CYSLTR2: variants seen among roughly 807,000 people sequenced by gnomAD.
CYSLTR2 encodes cysteinyl leukotriene receptor 2.
For synonymous variants in CYSLTR2, 179 were observed against 160.8 expected (o/e 1.11, Z -0.86); for missense variants, 398 against 411.9 (o/e 0.97, Z 0.29).
intron 2 of CYSLTR2, among the ~76,000 whole-genome samples, chr13:48,692,713 T>G (rs997066402): frequency 1.3e-5 from 2 of 151,270 alleles, no homozygotes; most frequent in Admixed American, 1.3e-4. Context: ...TAATCAACCT[T>G]CCTTTTCTTT....
At chr13:48,687,430 A>G (rs1953922707) in intron 1 of CYSLTR2, among the ~76,000 whole-genome samples, 1 of 152,088 alleles carries the variant, frequency 6.6e-6, no homozygotes, top group African/African-American at 2.4e-5. Context: ...TCATCTATGT[A>G]TTATCTATCG....
chr13:48,708,490 C>G lies in CYSLTR2; in HGVS notation c.*632C>G, dbSNP rs190135801. On this transcript the variant is annotated 3_prime_UTR_variant, in exon 5 of 5. Coordinates refer to ENST00000682523, the MANE Select transcript of CYSLTR2 (RefSeq NM_001308476.3). ...GAGGTTCTAACACACTGAAGGCAAC[C>G]CTATTTCTACTGTTTCTCTCTTGCC... is the stretch of plus-strand genomic sequence containing the variant. 2 of 167,154 alleles carry G rather than the reference C, an allele frequency of 1.2e-5. No homozygotes were observed. The highest frequency in any genetic ancestry group is 6.5e-5 in the Admixed American group (1 of 15,304). 10.4% of individuals were successfully genotyped at this position (167,154 alleles called of 1,614,324 possible). A position where few individuals can be genotyped will look rare whatever the true frequency, so the allele number is the denominator to read the frequency against.
chr13:48,690,079 T>A (rs1373655455), intron 1 of CYSLTR2, among the ~76,000 whole-genome samples: 3 of 152,186 alleles, frequency 2.0e-5, no homozygotes, highest in Non-Finnish European at 4.4e-5. Flanking sequence ...TGTATAGGAA[T>A]GCTTGTAATT....
chr13:48,665,747 G>C (rs995689507), intron 1 of CYSLTR2, among the ~76,000 whole-genome samples: 7 of 151,934 alleles, frequency 4.6e-5, no homozygotes, highest in Non-Finnish European at 1.0e-4. Context: ...TAGGTCTTGT[G>C]TTTTTAAAAT....
At chr13:48,678,957 G>A (rs1953674669) in intron 1 of CYSLTR2, among the ~76,000 whole-genome samples, 1 of 151,998 alleles carries the variant, frequency 6.6e-6, no homozygotes, top group South Asian at 2.1e-4. Flanking sequence ...CTCATCTGCT[G>A]CCAGTGTCAC....
chr13:48,690,997 G>C lies in CYSLTR2; in HGVS notation c.-265-215G>C, dbSNP rs1954024254. Among the ~76,000 whole-genome samples, 3 of 152,010 alleles carry C rather than the reference G, an allele frequency of 2.0e-5. No homozygotes were observed. In the South Asian group the frequency reaches 6.2e-4, roughly 32 times the overall value. ...ATTCAGGACTAATCCCAAATCAAAT[G>C]CCTATATCAGTGTATAAGTATTCTT... On this transcript the variant is annotated intron_variant, in intron 1 of 4. Transcript: ENST00000682523.
intron 4 of CYSLTR2, among the ~76,000 whole-genome samples, chr13:48,697,858 C>T (rs768312201): frequency 6.6e-6 from 1 of 152,154 alleles, no homozygotes; most frequent in Non-Finnish European, 1.5e-5. Context: ...AGCACAAGAA[C>T]TATGTGACGC....
intron 1 of CYSLTR2, among the ~76,000 whole-genome samples, chr13:48,673,711 A>C (rs1318295589): frequency 6.6e-6 from 1 of 152,018 alleles, no homozygotes; most frequent in African/African-American, 2.4e-5. Flanking sequence ...CAGTTTCTTT[A>C]TAGTGTCGAC....
chr13:48,664,542 T>C (rs1953212187), intron 1 of CYSLTR2, among the ~76,000 whole-genome samples: 1 of 152,074 alleles, frequency 6.6e-6, no homozygotes, highest in Non-Finnish European at 1.5e-5. Flanking sequence ...TCTTCATGGT[T>C]CAATCTTGGT....
intron 1 of CYSLTR2, among the ~76,000 whole-genome samples, chr13:48,688,417 T>C (rs556707605): frequency 6.6e-6 from 1 of 152,176 alleles, no homozygotes; most frequent in Non-Finnish European, 1.5e-5. Flanking sequence ...AGCCACCCAC[T>C]GGCCAATAGG....
In CYSLTR2 at chr13:48,707,160, T is replaced by C; in HGVS notation, c.343T>C (p.Ser115Pro). 6.2e-7 allele frequency: 1 copy of C among 1,614,168 alleles called. No individual in the cohort carries two copies. Among genetic ancestry groups the C allele is most frequent in the South Asian group, 1.1e-5 (1 of 91,084 alleles). The change falls in exon 5 of 5, where the codon TCT becomes CCT. Residue 115 changes from serine (S) to proline (P), a missense_variant. By Grantham distance (74) the Ser-to-Pro change is moderately conservative. Transcript: ENST00000682523. The stretch of plus-strand genomic sequence containing the variant: ...TGGAGACCTGGCCTGCAGGATTATG[T>C]CTTATTCCTTGTATGTCAACATGTA... Reference protein sequence around the residue: ...IFGDLACRIMSYSLYVNMYSS... With the variant: ...IFGDLACRIMPYSLYVNMYSS...
In CYSLTR2 at chr13:48,676,962, A is replaced by G. The variant is rs117761377; in HGVS notation, c.-265-14250A>G. ...GAGGCAGAGGCAAAGAAACAGTGCA[A>G]AGTTTCCATGGTGGGTAAAGCCTTT... On this transcript the variant is annotated intron_variant, in intron 1 of 4. Coordinates refer to ENST00000682523, the MANE Select transcript of CYSLTR2 (RefSeq NM_001308476.3). 4.9e-3 allele frequency among the ~76,000 whole-genome samples: 742 copies of G among 152,310 alleles called. 3 individuals carry two copies. The highest frequency in any genetic ancestry group is 0.014 in the Middle Eastern group (4 of 294).
At chr13:48,660,978 T>C (rs888401156) in intron 1 of CYSLTR2, among the ~76,000 whole-genome samples, 3 of 152,360 alleles carry the variant, frequency 2.0e-5, no homozygotes, top group South Asian at 2.1e-4. Context: ...ACACTTAATA[T>C]GGCACTTTCT....
At position 48,707,955 on chromosome 13, in the gene CYSLTR2, T is replaced by G; in HGVS notation, c.*97T>G. 9.9e-7 allele frequency: 1 copy of G among 1,010,432 alleles called. No individual in the cohort carries two copies. The highest frequency in any genetic ancestry group is 1.4e-6 in the Non-Finnish European group (1 of 726,722). 62.6% of individuals were successfully genotyped at this position (1,010,432 alleles called of 1,614,324 possible). A position where few individuals can be genotyped will look rare whatever the true frequency, so the allele number is the denominator to read the frequency against. ...TTGTATTTACATCACTCCCAACAAA[T>G]GTTGATTCTTAATATTTAGTTGACC... On this transcript the variant is annotated 3_prime_UTR_variant, in exon 5 of 5. Coordinates refer to ENST00000682523, the MANE Select transcript of CYSLTR2 (RefSeq NM_001308476.3).
intron 1 of CYSLTR2, among the ~76,000 whole-genome samples, chr13:48,686,601 T>C (rs896738180): frequency 6.6e-6 from 1 of 152,192 alleles, no homozygotes; most frequent in Admixed American, 6.5e-5. Flanking sequence ...AGATGTCCAA[T>C]GGGCTTTCCT....
chr13:48,699,470 A>G (rs890480127), intron 4 of CYSLTR2, among the ~76,000 whole-genome samples: 4 of 152,230 alleles, frequency 2.6e-5, no homozygotes, highest in African/African-American at 9.6e-5. Flanking sequence ...TTTGAAACCA[A>G]TGAGAGCAAA....
intron 1 of CYSLTR2, among the ~76,000 whole-genome samples, chr13:48,670,465 G>A (rs981425419): frequency 2.0e-5 from 3 of 152,150 alleles, no homozygotes; most frequent in Admixed American, 2.0e-4. Flanking sequence ...TAAGGTGTAA[G>A]GGAGGGGCTC....
chr13:48,679,263 C>T (rs1022369719), intron 1 of CYSLTR2, among the ~76,000 whole-genome samples: 2 of 152,282 alleles, frequency 1.3e-5, no homozygotes, highest in Admixed American at 6.5e-5. Flanking sequence ...TTCCCCAAGG[C>T]TGGTGTGGCC....
At chr13:48,668,621 A>G (rs1953331812) in intron 1 of CYSLTR2, among the ~76,000 whole-genome samples, 1 of 151,710 alleles carries the variant, frequency 6.6e-6, no homozygotes, top group Non-Finnish European at 1.5e-5. Context: ...TTATTTTTTT[A>G]TTATACTTTA....
Sources: allele counts gnomAD v4.1 joint callset (sites outside exome capture counted in the v4.1 genomes callset), GRCh38; gene constraint gnomAD v4.1.1; transcripts MANE v1.5; gene names NCBI Gene and HGNC (gene_info 2026-07-23, HGNC 2026-07-21).